The following TRAPPC10 variants were observed in gnomAD, a reference collection of about 807,000 sequenced individuals.
The protein encoded by TRAPPC10 is trafficking protein particle complex subunit 10, also known as TRAPP 130 kDa subunit.
Under a neutral mutation model 125.5 loss-of-function variants are expected in TRAPPC10, and 23 were observed. That is an observed-to-expected ratio of 0.18 (90% CI 0.13 to 0.26). The LOEUF (loss-of-function observed/expected upper bound fraction) is 0.26, where lower values mean the gene tolerates loss of function less well. TRAPPC10 is among the 10% of genes least tolerant of loss of function. The pLI is 1.00. For synonymous variants in TRAPPC10, 509 were observed against 518.0 expected (o/e 0.98, Z 0.24); for missense variants, 1,123 against 1,308.4 (o/e 0.86, Z 2.19).
At chr21:44,069,302 C>T (rs2036680896) in intron 7 of TRAPPC10, among the ~76,000 whole-genome samples, 1 of 152,204 alleles carries the variant, frequency 6.6e-6, no homozygotes, top group East Asian at 1.9e-4. Flanking sequence ...TACTCCAGGG[C>T]GTACTGTGAA....
chr21:44,085,700 C>G (rs2038079190), intron 15 of TRAPPC10, among the ~76,000 whole-genome samples: 1 of 139,556 alleles, frequency 7.2e-6, no homozygotes, highest in Non-Finnish European at 1.5e-5. Flanking sequence ...GAACAAAACT[C>G]CATCTCTTAA....
chr21:44,076,650 A>G (rs994893680), intron 10 of TRAPPC10, 22 bp downstream of exon 10: 1 of 1,573,538 alleles, frequency 6.4e-7, no homozygotes, highest in Non-Finnish European at 8.7e-7. Context: ...CAAGTGTTCA[A>G]TGTCTGTTCT....
intron 1 of TRAPPC10, among the ~76,000 whole-genome samples, chr21:44,020,621 G>A (rs187034516): frequency 6.6e-6 from 1 of 151,876 alleles, no homozygotes; most frequent in Non-Finnish European, 1.5e-5. Context: ...GCGACAGAGT[G>A]AGACCCTGTC....
At chr21:44,035,953 CG>C (rs1317891583) in intron 2 of TRAPPC10, among the ~76,000 whole-genome samples, 4 of 151,962 alleles carry the variant, frequency 2.6e-5, no homozygotes, top group African/African-American at 9.7e-5. Context: ...CTTAGAGACT[CG>C]GGAGATCATT....
intron 1 of TRAPPC10, among the ~76,000 whole-genome samples, chr21:44,015,107 G>A (rs2031668581): frequency 1.3e-5 from 2 of 152,028 alleles, no homozygotes; most frequent in Non-Finnish European, 1.5e-5. Context: ...CTCTTAGTAG[G>A]CAACATTTTT....
intron 5 of TRAPPC10, among the ~76,000 whole-genome samples, chr21:44,056,185 A>C (rs1471971425): frequency 6.6e-6 from 1 of 152,216 alleles, no homozygotes; most frequent in Non-Finnish European, 1.5e-5. Flanking sequence ...CCATGGAATA[A>C]AATTAATATC....
In TRAPPC10 at chr21:44,074,312, G is replaced by GC. The variant is rs1364445247; in HGVS notation, c.1039-11dup. 1.2e-6 allele frequency: 2 copies of GC among 1,613,424 alleles called. No homozygotes were observed. Among genetic ancestry groups the GC allele is most frequent in the Non-Finnish European group, 1.7e-6 (2 of 1,179,966 alleles). On this transcript the variant is annotated splice_polypyrimidine_tract_variant and intron_variant, in intron 7 of 22. Coordinates refer to ENST00000291574, the MANE Select transcript of TRAPPC10 (RefSeq NM_003274.5). ...GAGCACCCCTCACACGTTCGCATTT[G>GC]CACCCCCACAGGTCTCTGTCCCACC...
chr21:44,030,612 A>G (rs2033493149), intron 1 of TRAPPC10, among the ~76,000 whole-genome samples: 1 of 152,018 alleles, frequency 6.6e-6, no homozygotes, highest in Admixed American at 6.5e-5. Flanking sequence ...GATTACAGGC[A>G]TGCGCCACCA....
At chr21:44,048,011 G>T (rs1047486760) in intron 3 of TRAPPC10, among the ~76,000 whole-genome samples, 5 of 152,174 alleles carry the variant, frequency 3.3e-5, no homozygotes, top group Admixed American at 1.3e-4. Flanking sequence ...TACAGCCGAG[G>T]CAACACAGTC....
intron 3 of TRAPPC10, among the ~76,000 whole-genome samples, chr21:44,050,684 A>G (rs1439052066): frequency 6.6e-6 from 1 of 152,216 alleles, no homozygotes; most frequent in Non-Finnish European, 1.5e-5. Flanking sequence ...GCACTAGATA[A>G]TTAAGTTACT....
At chr21:44,026,604 G>T (rs893183316) in intron 1 of TRAPPC10, among the ~76,000 whole-genome samples, 9 of 152,238 alleles carry the variant, frequency 5.9e-5, no homozygotes, top group Non-Finnish European at 1.0e-4. Context: ...GCTTTCTTTT[G>T]TTAATAGGCT....
intron 2 of TRAPPC10, among the ~76,000 whole-genome samples, chr21:44,032,544 G>A (rs563460166): frequency 6.6e-6 from 1 of 152,122 alleles, no homozygotes; most frequent in African/African-American, 2.4e-5. Flanking sequence ...TACCGCACCC[G>A]GCTAATTTTT....
chr21:44,096,107 T>C (rs923317397), intron 20 of TRAPPC10, among the ~76,000 whole-genome samples: 5 of 44,832 alleles, frequency 1.1e-4, no homozygotes, highest in Non-Finnish European at 2.3e-4. Context: ...GCTGTCCCAA[T>C]TGGCAGGCGT....
Position 44,087,635 on chromosome 21 carries a change from G to A in TRAPPC10, c.2540-64G>A, listed in dbSNP as rs1216059220. 11 of 1,478,922 alleles carry A rather than the reference G, an allele frequency of 7.4e-6. No individual in the cohort carries two copies. The highest frequency in any genetic ancestry group is 2.3e-5 in the East Asian group (1 of 44,124). The allele number at this position is 1,478,922 out of a possible 1,614,324, so 91.6% of individuals were successfully genotyped here. ...CCTCACTGCTGGGCCATCACCTGCTGTAAGGAAAAGGACAAGTGAAACCGA... is the reference window on the plus strand; with the variant it reads ...CCTCACTGCTGGGCCATCACCTGCTATAAGGAAAAGGACAAGTGAAACCGA... On this transcript the variant is annotated intron_variant, in intron 16 of 22. Coordinates refer to ENST00000291574, the MANE Select transcript of TRAPPC10 (RefSeq NM_003274.5). The surrounding 1 kb of genome is among the most constrained non-coding windows in gnomAD (Gnocchi z 4.6).
intron 3 of TRAPPC10, chr21:44,046,479 A>G: frequency 3.9e-6 from 1 of 257,632 alleles, no homozygotes; most frequent in Non-Finnish European, 8.2e-6. Flanking sequence ...GTTGCAAGTG[A>G]CAAGGGGTGA....
intron 3 of TRAPPC10, among the ~76,000 whole-genome samples, chr21:44,045,967 T>G (rs930833120): frequency 6.6e-6 from 1 of 152,086 alleles, no homozygotes; most frequent in African/African-American, 2.4e-5. Flanking sequence ...TTTTTTTCTT[T>G]TTTGTGGGGG....
At position 44,084,184 on chromosome 21, in the gene TRAPPC10, C is replaced by T. The variant is rs903674834; in HGVS notation, c.2301C>T (p.Phe767=). 38 of 1,613,918 alleles carry T rather than the reference C, an allele frequency of 2.4e-5. No homozygotes were observed. Among genetic ancestry groups the T allele is most frequent in the Non-Finnish European group, 3.1e-5 (36 of 1,180,032 alleles). ...GCGCCTCGGTGGGCTCCGTGTGGTTCGTCCTCCCTCACATCTACCCCATTG... is the reference window on the plus strand; with the variant it reads ...GCGCCTCGGTGGGCTCCGTGTGGTTTGTCCTCCCTCACATCTACCCCATTG... ...QLCASVGSVW[F]VLPHIYPIVQ... Residue 767 remains phenylalanine (F), a synonymous_variant, in exon 15 of 23, where the codon TTC becomes TTT. Transcript: ENST00000291574.
intron 5 of TRAPPC10, among the ~76,000 whole-genome samples, chr21:44,058,577 G>A (rs2035787890): frequency 6.6e-6 from 1 of 152,220 alleles, no homozygotes. Flanking sequence ...TGTCTGTTAG[G>A]CATCCACACA....
At chr21:44,016,939 G>A (rs2031932175) in intron 1 of TRAPPC10, among the ~76,000 whole-genome samples, 1 of 152,234 alleles carries the variant, frequency 6.6e-6, no homozygotes, top group Admixed American at 6.5e-5. Flanking sequence ...ATAGGCATGA[G>A]CCACCGCGCC....
Sources: gnomAD v4.1 joint callset for allele counts (sites outside exome capture counted in the v4.1 genomes callset) on GRCh38, gnomAD v4.1.1 for gene constraint, Gnocchi (gnomAD v3.1) non-coding constraint, MANE v1.5 for transcripts, NCBI Gene and HGNC (gene_info 2026-07-23, HGNC 2026-07-21) for gene names.